PCDHGB7: variants seen among roughly 807,000 people sequenced by gnomAD.
PCDHGB7 encodes the protein protocadherin gamma subfamily B, 7.
PCDHGB7 carries 37 observed loss-of-function variants against 61.4 expected under a neutral mutation model. The observed-to-expected ratio is 0.60, with a 90% CI of 0.46 to 0.79. PCDHGB7 has a LOEUF of 0.79. Among genes scored for constraint, PCDHGB7 ranks in the 30% least tolerant of loss-of-function variants. The pLI is 0.00. For missense variants in PCDHGB7, 1,166 were observed against 1,202.5 expected (o/e 0.97, Z 0.45); for synonymous variants, 464 against 503.5 (o/e 0.92, Z 1.05).
intron 1 of PCDHGB7, among the ~76,000 whole-genome samples, chr5:141,454,831 A>C (rs1489772379): frequency 1.3e-5 from 1 of 78,366 alleles, no homozygotes; most frequent in African/African-American, 6.7e-5. Context: ...TTTTTGAGAC[A>C]GAGTCGCGCT....
chr5:141,484,266 T>G (rs2099593967), intron 1 of PCDHGB7, among the ~76,000 whole-genome samples: 1 of 152,220 alleles, frequency 6.6e-6, no homozygotes, highest in Non-Finnish European at 1.5e-5. Flanking sequence ...ACACTGATTC[T>G]TTACTGTTTT....
intron 1 of PCDHGB7, chr5:141,433,178 A>G: frequency 6.2e-7 from 1 of 1,608,316 alleles, no homozygotes. Context: ...TCATGGGTTA[A>G]TTGAGGTGAG....
rs757503771 is a variant in PCDHGB7 at position 141,433,052 on chromosome 5, A to C, written c.2415+12778A>C. 31 of 1,614,060 alleles carry C rather than the reference A, an allele frequency of 1.9e-5. No homozygotes were observed. Among genetic ancestry groups the C allele is most frequent in the Non-Finnish European group, 1.8e-5 (21 of 1,180,044 alleles). On this transcript the variant is annotated intron_variant, in intron 1 of 3. Coordinates refer to ENST00000398594, the MANE Select transcript of PCDHGB7 (RefSeq NM_018927.4). ...GGTTTCCCTCACCACGGACTCGCGG[A>C]AGAGTCACCTGATCTTCCCCCAGCC...
chr5:141,491,414 G>C lies in PCDHGB7; in HGVS notation c.2416-3393G>C, dbSNP rs137987971. 35 of 1,614,008 alleles carry C rather than the reference G, an allele frequency of 2.2e-5. No homozygotes were observed. Among genetic ancestry groups the C allele is most frequent in the African/African-American group, 1.3e-4 (10 of 74,910 alleles). On this transcript the variant is annotated intron_variant, in intron 1 of 3. Coordinates refer to ENST00000398594, the MANE Select transcript of PCDHGB7 (RefSeq NM_018927.4). The surrounding 1 kb of genome is among the most constrained non-coding windows in gnomAD (Gnocchi z 6.9). ...CTTCAGGGAAACGCAGACGGGGACG[G>C]GGGTGGAGGGCAGTGCTGCAGGCGC...
Position 141,431,464 on chromosome 5 carries a change from G to GA in PCDHGB7, c.2415+11192dup, listed in dbSNP as rs1561852795. 1 of 1,613,782 alleles carries GA rather than the reference G, an allele frequency of 6.2e-7. No homozygotes were observed. Among genetic ancestry groups the GA allele is most frequent in the Non-Finnish European group, 8.5e-7 (1 of 1,179,972 alleles). ...GCATCCGCGTGATGGTTCTGGATGC[G>GA]AACGACAACGCACCAGCGTTTGCTC... On this transcript the variant is annotated intron_variant, in intron 1 of 3. Coordinates refer to ENST00000398594, the MANE Select transcript of PCDHGB7 (RefSeq NM_018927.4). This position sits in a 1 kb window ranked among gnomAD's most constrained non-coding sequence, Gnocchi z 4.8.
At chr5:141,450,006 CTT>C (rs1554136305) in intron 1 of PCDHGB7, among the ~76,000 whole-genome samples, 13 of 132,938 alleles carry the variant, frequency 9.8e-5, no homozygotes, top group Non-Finnish European at 7.9e-5. Flanking sequence ...TGCCATGTCT[CTT>C]TTTTTTTTTT....
rs1354607645 is a variant in PCDHGB7, at chr5:141,433,848, A to C, written c.2415+13574A>C. Among the ~76,000 whole-genome samples, 4 of 152,082 alleles carry C rather than the reference A, an allele frequency of 2.6e-5. No individual in the cohort carries two copies. In the East Asian group the frequency reaches 5.8e-4, roughly 22 times the overall value. ...GTGAAACTCTATCTCAAAAAAAAAA[A>C]AAAAAAACTTTATCCTCTAGTTTCA... On this transcript the variant is annotated intron_variant, in intron 1 of 3. Coordinates refer to ENST00000398594, the MANE Select transcript of PCDHGB7 (RefSeq NM_018927.4).
chr5:141,482,736 C>T (rs897817817), intron 1 of PCDHGB7, among the ~76,000 whole-genome samples: 6 of 152,056 alleles, frequency 3.9e-5, no homozygotes, highest in African/African-American at 1.2e-4. Context: ...GCAAGAAATT[C>T]CATGCAGAGG....
intron 1 of PCDHGB7, chr5:141,427,447 T>A (rs556527924): frequency 1.9e-4 from 92 of 483,324 alleles, no homozygotes; most frequent in African/African-American, 1.4e-3. Context: ...AACGAAAGAG[T>A]TCCTTTTAGA....
chr5:141,491,571 C>G lies in PCDHGB7; in HGVS notation c.2416-3236C>G. The G allele has an allele frequency of 6.2e-7, 1 of 1,614,026 alleles. No individual in the cohort carries two copies. The highest frequency in any genetic ancestry group is 8.5e-7 in the Non-Finnish European group (1 of 1,180,042). ...CGCAGAGCCACTGCTACAGGACGTG[C>G]TTTTCACCGGCCTCGGACGGCAGTG... On this transcript the variant is annotated intron_variant, in intron 1 of 3. Transcript: ENST00000398594. This position sits in a 1 kb window ranked among gnomAD's most constrained non-coding sequence, Gnocchi z 6.9.
At chr5:141,461,063 C>T (rs1472437531) in intron 1 of PCDHGB7, among the ~76,000 whole-genome samples, 1 of 151,796 alleles carries the variant, frequency 6.6e-6, no homozygotes, top group Non-Finnish European at 1.5e-5. Flanking sequence ...GTTGGTTTCA[C>T]ATTTTTGCAA....
At chr5:141,421,173 C>A in intron 1 of PCDHGB7, 2 of 1,377,172 alleles carry the variant, frequency 1.5e-6, no homozygotes, top group Non-Finnish European at 9.7e-7. Context: ...GATACATAAG[C>A]CGATTCACAA....
At chr5:141,437,863 G>A (rs2097915247) in intron 1 of PCDHGB7, among the ~76,000 whole-genome samples, 2 of 151,480 alleles carry the variant, frequency 1.3e-5, no homozygotes, top group African/African-American at 2.4e-5. Context: ...TTAGCCTCCC[G>A]AGTAGCTGGG....
chr5:141,492,122 C>G (rs2154587050), intron 1 of PCDHGB7, among the ~76,000 whole-genome samples: 1 of 152,328 alleles, frequency 6.6e-6, no homozygotes, highest in Admixed American at 6.5e-5. Context: ...GATTTCTCCC[C>G]AGCTCCCAGC....
At chr5:141,452,897 T>C (rs1447851469) in intron 1 of PCDHGB7, among the ~76,000 whole-genome samples, 1 of 152,230 alleles carries the variant, frequency 6.6e-6, no homozygotes, top group Non-Finnish European at 1.5e-5. Flanking sequence ...CCACTTTTAT[T>C]AGTTGGCATT....
chr5:141,481,913 C>CAAAAAAAAAAAAA (rs34114744), intron 1 of PCDHGB7, among the ~76,000 whole-genome samples: 1 of 90,852 alleles, frequency 1.1e-5, no homozygotes. Flanking sequence ...AACTCCATCT[C>CAAAAAAAAAAAAA]AAAAAAAAAA....
rs1332743231 is a variant in PCDHGB7 at position 141,432,967 on chromosome 5, G to A, written c.2415+12693G>A. 4 of 1,614,192 alleles carry A rather than the reference G, an allele frequency of 2.5e-6. No homozygotes were observed. In the East Asian group the frequency reaches 6.7e-5, roughly 27 times the overall value. On this transcript the variant is annotated intron_variant, in intron 1 of 3. Coordinates refer to ENST00000398594, the MANE Select transcript of PCDHGB7 (RefSeq NM_018927.4). The surrounding 1 kb of genome is among the most constrained non-coding windows in gnomAD (Gnocchi z 6.0). The stretch of plus-strand genomic sequence containing the variant: ...CAGGAGGCGGCTTGACAGGAGCGCC[G>A]GCGTCGCACTTTGTGGGCGTGGACG...
intron 1 of PCDHGB7, chr5:141,433,007 C>CT: frequency 6.2e-7 from 1 of 1,614,198 alleles, no homozygotes; most frequent in Non-Finnish European, 8.5e-7. Context: ...GCAGGCTTTC[C>CT]TGCAGACCTA....
At position 141,431,784 on chromosome 5, in the gene PCDHGB7, A is replaced by G; in HGVS notation, c.2415+11510A>G. On this transcript the variant is annotated intron_variant, in intron 1 of 3. Coordinates refer to ENST00000398594, the MANE Select transcript of PCDHGB7 (RefSeq NM_018927.4). The surrounding 1 kb of genome is among the most constrained non-coding windows in gnomAD (Gnocchi z 4.8). ...CTGATCACTGTTCTGGACGTGAACG[A>G]CAATGCCCCAGAAGTGGTCCTCACC... 1 of 1,614,220 alleles carries G rather than the reference A, an allele frequency of 6.2e-7. No individual in the cohort carries two copies. Among genetic ancestry groups the G allele is most frequent in the Non-Finnish European group, 8.5e-7 (1 of 1,180,022 alleles).
Sources: gnomAD v4.1 joint callset for allele counts (sites outside exome capture counted in the v4.1 genomes callset) on GRCh38, gnomAD v4.1.1 for gene constraint, Gnocchi (gnomAD v3.1) non-coding constraint, MANE v1.5 for transcripts, NCBI Gene and HGNC (gene_info 2026-07-23, HGNC 2026-07-21) for gene names.